The following TTC21A variants were observed in gnomAD, a reference collection of about 807,000 sequenced individuals.
TTC21A encodes the protein tetratricopeptide repeat protein 21A.
Under a neutral mutation model 156.4 loss-of-function variants are expected in TTC21A, and 128 were observed. That is an observed-to-expected ratio of 0.82 (90% CI 0.71 to 0.95). TTC21A has a LOEUF of 0.95. Ranked by LOEUF, TTC21A falls within the 40% of genes least tolerant of loss-of-function variation. The pLI is 0.00. For missense variants in TTC21A, 1,435 were observed against 1,602.3 expected (o/e 0.90, Z 1.78); for synonymous variants, 587 against 617.1 (o/e 0.95, Z 0.72).
chr3:39,119,103 T>C (rs1371103813), intron 7 of TTC21A: 1 of 152,232 alleles, frequency 6.6e-6, no homozygotes, highest in African/African-American at 2.4e-5. Flanking sequence ...AGCATTTAGC[T>C]AACTGAGATT....
chr3:39,125,424 C>T lies in TTC21A; in HGVS notation c.1284C>T (p.His428=), dbSNP rs143968783. The T allele has an allele frequency of 4.5e-3, 7,285 of 1,614,076 alleles. 18 individuals are homozygous for T. The highest frequency in any genetic ancestry group is 5.1e-3 in the Non-Finnish European group (6,032 of 1,179,888). The stretch of plus-strand genomic sequence containing the variant: ...TCCTGAAGGAGGCAGTGGAGCTTCA[C>T]TTCTCCAGCATGCAAGGCATCCCTC... ...TALLKEAVEL[H]FSSMQGIPLG... is the part of the protein sequence containing the mutation. Residue 428 remains histidine (H), a synonymous_variant, in exon 11 of 29, where the codon CAC becomes CAT. Coordinates refer to ENST00000683103, the MANE Select transcript of TTC21A (RefSeq NM_001366900.1).
chr3:39,138,151 A>G (rs2039276905), intron 26 of TTC21A, 116 bp from the exon 27 acceptor site: 3 of 1,511,228 alleles, frequency 2.0e-6, no homozygotes, highest in Non-Finnish European at 2.7e-6. Context: ...AGTTTGGTTT[A>G]TGGCAGCTCA....
intron 11 of TTC21A, 106 bp from the exon 12 acceptor site, chr3:39,126,155 T>G: frequency 2.9e-6 from 4 of 1,390,970 alleles, no homozygotes; most frequent in Non-Finnish European, 4.0e-6. Context: ...TAAATAAGTG[T>G]GGAATGAAGC....
At chr3:39,123,505 T>G (rs1339200038) in intron 9 of TTC21A, among the ~76,000 whole-genome samples, 1 of 152,200 alleles carries the variant, frequency 6.6e-6, no homozygotes, top group Non-Finnish European at 1.5e-5. Context: ...TTGGATACCC[T>G]GCTATCCATT....
intron 9 of TTC21A, among the ~76,000 whole-genome samples, chr3:39,122,332 AAAAAG>A (rs1205286126): frequency 6.6e-6 from 1 of 152,170 alleles, no homozygotes; most frequent in Non-Finnish European, 1.5e-5. Flanking sequence ...GAAAAAAAAA[AAAAAG>A]AGTACATAGC....
chr3:39,109,947 C>A, intron 2 of TTC21A, 82 bp from the exon 3 acceptor site: 1 of 978,968 alleles, frequency 1.0e-6, no homozygotes, highest in Non-Finnish European at 1.6e-6. Context: ...GGTAGTAGTG[C>A]TGAGCTGTTG....
rs774572100 is a variant in TTC21A, at chr3:39,110,959, A to G, written c.377A>G (p.His126Arg). 2 of 1,613,884 alleles carry G rather than the reference A, an allele frequency of 1.2e-6. No individual in the cohort carries two copies. Among genetic ancestry groups the G allele is most frequent in the Non-Finnish European group, 1.7e-6 (2 of 1,179,976 alleles). The change falls in exon 4 of 29, where the codon CAT becomes CGT. Residue 126 changes from histidine to arginine, a missense_variant. Physicochemically the swap from His to Arg is conservative, Grantham distance 29 (BLOSUM62 0). Transcript: ENST00000683103. Reference protein sequence around the residue: ...AGLFLWLIGRHDKAKEYIDRM... With the variant: ...AGLFLWLIGRRDKAKEYIDRM... ...CTTTTCCTCTGGCTCATAGGCCGCC[A>G]TGACAAGGCCAAAGAGTACATTGAC...
intron 5 of TTC21A, among the ~76,000 whole-genome samples, chr3:39,114,316 G>C (rs2037090572): frequency 6.6e-6 from 1 of 152,234 alleles, no homozygotes; most frequent in African/African-American, 2.4e-5. Flanking sequence ...CCTATCCCAG[G>C]CCTGCTAAGT....
chr3:39,128,591 T>A, intron 13 of TTC21A, 103 bp downstream of exon 13: 1 of 1,573,552 alleles, frequency 6.4e-7, no homozygotes, highest in South Asian at 1.2e-5. Context: ...CCCGTAGATC[T>A]TTCTGCTCGT....
At position 39,114,678 on chromosome 3, in the gene TTC21A, G is replaced by C. The variant is rs377424404; in HGVS notation, c.652G>C (p.Val218Leu). Residue 218 changes from valine (V) to leucine (L), a missense_variant, in exon 6 of 29, where the codon GTC becomes CTC. Val to Leu is a conservative substitution (Grantham distance 32, BLOSUM62 1). Transcript: ENST00000683103. ...TTCAGGGAGCTTCCTGCCAGCCCTC[G>C]TCCTGAAGATGCAGCTGTTCTTAGC... ...VTSGSFLPAL[V>L]LKMQLFLARQ... 17 of 1,614,088 alleles carry C rather than the reference G, an allele frequency of 1.1e-5. No homozygotes were observed. In the East Asian group the frequency reaches 2.4e-4, roughly 23 times the overall value.
At chr3:39,124,982 CT>C in intron 9 of TTC21A, 80 bp from the exon 10 acceptor site, 1 of 899,948 alleles carries the variant, frequency 1.1e-6, no homozygotes, top group Non-Finnish European at 1.9e-6. Context: ...CTTCCACTGT[CT>C]TATCCATGCC....
Position 39,114,748 on chromosome 3 carries a change from CT to C in TTC21A, c.716+7del, listed in dbSNP as rs779554431. 9 of 1,614,150 alleles carry C rather than the reference CT, an allele frequency of 5.6e-6. No individual in the cohort carries two copies. The Admixed American group carries it at 1.5e-4, about 27-fold the overall frequency. ...ACAGTAGAAATGGGACACAGGTGAG[CT>C]ACTGCACAAATGGGCAGCCAAGGGT... On this transcript the variant is annotated splice_region_variant and intron_variant, in intron 6 of 28. Transcript: ENST00000683103.
intron 13 of TTC21A, 85 bp from the exon 14 acceptor site, chr3:39,128,632 T>C: frequency 6.4e-7 from 1 of 1,564,614 alleles, no homozygotes; most frequent in South Asian, 1.2e-5. Flanking sequence ...AGTGGGCTCC[T>C]GAGGCTTTCT....
At chr3:39,135,826 C>CG (rs1559716633) in intron 22 of TTC21A, among the ~76,000 whole-genome samples, 1 of 152,100 alleles carries the variant, frequency 6.6e-6, no homozygotes, top group Non-Finnish European at 1.5e-5. Flanking sequence ...GAACCCGAGG[C>CG]GGGCAGATCA....
intron 8 of TTC21A, among the ~76,000 whole-genome samples, chr3:39,120,706 A>C (rs1366652980): frequency 6.6e-6 from 1 of 152,176 alleles, no homozygotes; most frequent in Non-Finnish European, 1.5e-5. Flanking sequence ...ATTCAGCTTC[A>C]ATTTTTGAAA....
Position 39,138,889 on chromosome 3 carries a change from C to T in TTC21A, c.*101C>T. 1 of 891,996 alleles carries T rather than the reference C, an allele frequency of 1.1e-6. No homozygotes were observed. The allele number at this position is 891,996 out of a possible 1,614,324, so 55.3% of individuals were successfully genotyped here. On this transcript the variant is annotated 3_prime_UTR_variant, in exon 29 of 29. Coordinates refer to ENST00000683103, the MANE Select transcript of TTC21A (RefSeq NM_001366900.1). ...TGGAGAAGGGATTCAGAAAATGACA[C>T]ATTCTTCCCCATTTCTATAGTGTAT...
At position 39,137,477 on chromosome 3, in the gene TTC21A, G is replaced by A; in HGVS notation, c.3451-9G>A. The A allele has an allele frequency of 6.2e-7, 1 of 1,613,924 alleles. No homozygotes were observed. Among genetic ancestry groups the A allele is most frequent in the Non-Finnish European group, 8.5e-7 (1 of 1,179,800 alleles). On this transcript the variant is annotated splice_polypyrimidine_tract_variant and intron_variant, in intron 25 of 28. Transcript: ENST00000683103. ...ACGTGCTGACGTCCACTTCCTACCTGGTGTGTAGAAGGACAGCGTCCCTGC... is the reference window on the plus strand; with the variant it reads ...ACGTGCTGACGTCCACTTCCTACCTAGTGTGTAGAAGGACAGCGTCCCTGC...
Position 39,118,110 on chromosome 3 carries a change from T to C in TTC21A, c.758T>C (p.Ile253Thr). Residue 253 changes from isoleucine (I) to threonine (T), a missense_variant, in exon 7 of 29, where the codon ATT (isoleucine) becomes ACT (threonine). Transcript: ENST00000683103. ...KDESNIDACQ[I>T]LTVHELAREG... is the part of the protein sequence containing the mutation. ...GAGAGCAATATTGATGCCTGCCAAATTCTAACCGTGCATGAGCTTGCAAGA... is the reference window on the plus strand; with the variant it reads ...GAGAGCAATATTGATGCCTGCCAAACTCTAACCGTGCATGAGCTTGCAAGA... The C allele has an allele frequency of 6.2e-7, 1 of 1,614,204 alleles. No homozygotes were observed. The highest frequency in any genetic ancestry group is 2.2e-5 in the East Asian group (1 of 44,892).
At position 39,137,336 on chromosome 3, in the gene TTC21A, G is replaced by GGC; in HGVS notation, c.3400_3401dup (p.Asn1135LeufsTer13). ...TCTGCCGGCTGGCCACCAGGGAGAA[G>GGC]GCTAACATGGAGGCTGCGCTGGGCA... On this transcript the variant is annotated frameshift_variant, in exon 25 of 29. Coordinates refer to ENST00000683103, the MANE Select transcript of TTC21A (RefSeq NM_001366900.1). LOFTEE classifies it high-confidence loss of function. 6 of 1,613,896 alleles carry GGC rather than the reference G, an allele frequency of 3.7e-6. No individual in the cohort carries two copies. The highest frequency in any genetic ancestry group is 5.1e-6 in the Non-Finnish European group (6 of 1,179,918).
Sources: allele counts gnomAD v4.1 joint callset (sites outside exome capture counted in the v4.1 genomes callset), GRCh38; gene constraint gnomAD v4.1.1; transcripts MANE v1.5; gene names NCBI Gene and HGNC (gene_info 2026-07-23, HGNC 2026-07-21).